Variants in ATIC observed in about 807,000 individuals in gnomAD.
ATIC encodes bifunctional purine biosynthesis protein ATIC.
A neutral mutation model predicts 72.5 loss-of-function variants in ATIC; 64 were observed. The observed-to-expected ratio is 0.88, with a 90% CI of 0.72 to 1.09. ATIC has a LOEUF of 1.09. Among genes scored for constraint, ATIC ranks in the 50% least tolerant of loss-of-function variants. The probability of loss-of-function intolerance (pLI) is 0.00; values close to 1 mark genes in which losing one functional copy is unlikely to be tolerated. For synonymous variants in ATIC, 281 were observed against 267.1 expected (o/e 1.05, Z -0.51); for missense variants, 787 against 732.4 (o/e 1.07, Z -0.86).
the ATIC span, chr2:215,362,165 C>T: frequency 2.0e-6 from 2 of 984,394 alleles, no homozygotes; most frequent in South Asian, 1.3e-5. Flanking sequence ...AGAAAAATGT[C>T]ACATCATATG....
chr2:215,328,521 T>G (rs1341246314), intron 7 of ATIC, among the ~76,000 whole-genome samples: 1 of 152,034 alleles, frequency 6.6e-6, no homozygotes, highest in Non-Finnish European at 1.5e-5. Context: ...CCTTGTCCCC[T>G]TCACCCAGAA....
rs919475364 is a variant in ATIC, at chr2:215,321,262, C to T, written c.290+1531C>T. Among the ~76,000 whole-genome samples, 4 of 152,226 alleles carry T rather than the reference C, an allele frequency of 2.6e-5. No individual in the cohort carries two copies. The South Asian group carries it at 6.2e-4, about 24-fold the overall frequency. On this transcript the variant is annotated intron_variant, in intron 4 of 15. Transcript: ENST00000236959. ...TGGTTTTTTTGTTCCTGGCTTCTTT[C>T]ACTTAGCATGTTTTCAAGGTTTATC...
chr2:215,315,464 C>G (rs1313472080), intron 2 of ATIC, among the ~76,000 whole-genome samples: 1 of 151,988 alleles, frequency 6.6e-6, no homozygotes, highest in Non-Finnish European at 1.5e-5. Context: ...TGAGGCAATC[C>G]TTCCACCTCA....
At chr2:215,312,415 C>A in intron 1 of ATIC, 83 bp from the exon 2 acceptor site, 1 of 1,608,318 alleles carries the variant, frequency 6.2e-7, no homozygotes, top group Non-Finnish European at 8.5e-7. Context: ...ATTCGAGAAT[C>A]TCCTCCCCCA....
rs557185991 is a variant in ATIC at position 215,318,142 on chromosome 2, T to G, written c.147-15T>G. 6 of 1,610,762 alleles carry G rather than the reference T, an allele frequency of 3.7e-6. No individual in the cohort carries two copies. In the South Asian group the frequency reaches 5.5e-5, roughly 15 times the overall value. On this transcript the variant is annotated splice_polypyrimidine_tract_variant and intron_variant, in intron 2 of 15. Coordinates refer to ENST00000236959, the MANE Select transcript of ATIC (RefSeq NM_004044.7). ...AGCCACACCAGTAGTACCATTCTGT[T>G]TATCTGTTTTTCAGAGATGTCTCTG...
At chr2:215,364,781 G>A in the ATIC span, 14 of 797,398 alleles carry the variant, frequency 1.8e-5, no homozygotes, top group East Asian at 2.1e-4. Flanking sequence ...TAATACTTCC[G>A]AAGGGTCTCT....
At chr2:215,332,296 T>G (rs193153666) in intron 7 of ATIC, 86 bp from the exon 8 acceptor site, 1 of 1,552,370 alleles carries the variant, frequency 6.4e-7, no homozygotes, top group African/African-American at 1.4e-5. Flanking sequence ...AACATTTGTT[T>G]AGTCATGTTA....
the ATIC span, among the ~76,000 whole-genome samples, chr2:215,356,798 TA>T: frequency 2.6e-5 from 4 of 152,232 alleles, no homozygotes; most frequent in African/African-American, 9.6e-5. Context: ...GATATTTCAT[TA>T]TATGGATATA....
chr2:215,350,750 A>C (rs144205930), downstream of ATIC, among the ~76,000 whole-genome samples: 695 of 152,280 alleles, frequency 4.6e-3, 6 homozygotes, highest in Non-Finnish European at 7.8e-3. Flanking sequence ...GCCTTCCTTC[A>C]TCAGGACAGA....
At chr2:215,356,718 G>A in the ATIC span, among the ~76,000 whole-genome samples, 3 of 152,126 alleles carry the variant, frequency 2.0e-5, no homozygotes, top group African/African-American at 4.8e-5. Context: ...GTGCTCTTTC[G>A]TGTCTGGCTT....
Position 215,346,746 on chromosome 2 carries a change from C to CT in ATIC, c.1321-12dup. 1 of 1,613,904 alleles carries CT rather than the reference C, an allele frequency of 6.2e-7. No individual in the cohort carries two copies. The highest frequency in any genetic ancestry group is 8.5e-7 in the Non-Finnish European group (1 of 1,179,892). ...TTGGAAGAGGTGTTCACTTTAATGT[C>CT]TGTGTTCCTCAGGTTATCGGCATTG... On this transcript the variant is annotated splice_polypyrimidine_tract_variant and intron_variant, in intron 13 of 15. Coordinates refer to ENST00000236959, the MANE Select transcript of ATIC (RefSeq NM_004044.7).
At chr2:215,355,284 A>G in the ATIC span, among the ~76,000 whole-genome samples, 91,874 of 151,960 alleles carry the variant, frequency 0.6, 27,895 homozygotes, top group East Asian at 0.72. Flanking sequence ...GTATAATTCA[A>G]TCATTCGAAA....
At chr2:215,319,818 A>C (rs1049846568) in intron 4 of ATIC, 87 bp downstream of exon 4, 3 of 1,114,894 alleles carry the variant, frequency 2.7e-6, no homozygotes, top group African/African-American at 3.1e-5. Flanking sequence ...TTTCTTACTC[A>C]CTATAAACCT....
At chr2:215,364,845 T>C in the ATIC span, 1 of 1,432,396 alleles carries the variant, frequency 7.0e-7, no homozygotes, top group Non-Finnish European at 9.6e-7. Context: ...TTATCTTATC[T>C]AACTTGTAGG....
chr2:215,353,023 C>T (rs2053142333), downstream of ATIC, among the ~76,000 whole-genome samples: 1 of 152,174 alleles, frequency 6.6e-6, no homozygotes, highest in African/African-American at 2.4e-5. Flanking sequence ...AGACTTCCCT[C>T]CATGAGGATG....
chr2:215,335,856 A>G (rs2052947885), intron 10 of ATIC, among the ~76,000 whole-genome samples, 179 bp from the exon 11 acceptor site: 1 of 152,242 alleles, frequency 6.6e-6, no homozygotes, highest in Non-Finnish European at 1.5e-5. Context: ...AGGATCTGCT[A>G]TACAGAAAGC....
intron 12 of ATIC, among the ~76,000 whole-genome samples, chr2:215,343,991 A>C (rs1465429372): frequency 6.6e-6 from 1 of 152,232 alleles, no homozygotes; most frequent in East Asian, 1.9e-4. Context: ...AAGTTATTCT[A>C]AACAAAAGAG....
intron 2 of ATIC, among the ~76,000 whole-genome samples, chr2:215,316,034 C>G (rs922200097): frequency 6.6e-6 from 1 of 151,790 alleles, no homozygotes; most frequent in Non-Finnish European, 1.5e-5. Context: ...TAATTTTATC[C>G]CAGGAAGTTA....
At chr2:215,319,581 G>A in intron 3 of ATIC, 84 bp from the exon 4 acceptor site, 1 of 1,004,326 alleles carries the variant, frequency 1.0e-6, no homozygotes, top group Non-Finnish European at 1.6e-6. Context: ...GATTTAATTT[G>A]ATTGAAGACA....
Sources: gnomAD v4.1 joint callset for allele counts (sites outside exome capture counted in the v4.1 genomes callset) on GRCh38, gnomAD v4.1.1 for gene constraint, MANE v1.5 for transcripts, NCBI Gene and HGNC (gene_info 2026-07-23, HGNC 2026-07-21) for gene names.